Variants in PARD3B observed in about 807,000 individuals in gnomAD.
The protein encoded by PARD3B is partitioning defective 3 homolog B.
PARD3B carries 103 observed loss-of-function variants against 130.2 expected under a neutral mutation model. That is an observed-to-expected ratio of 0.79 (90% CI 0.67 to 0.93). The LOEUF (loss-of-function observed/expected upper bound fraction) is 0.93, where lower values mean the gene tolerates loss of function less well. PARD3B is among the 40% of genes least tolerant of loss of function. PARD3B has a pLI of 0.00. For missense variants in PARD3B, 1,609 were observed against 1,499.2 expected (o/e 1.07, Z -1.21); for synonymous variants, 583 against 553.2 (o/e 1.05, Z -0.76).
intron 2 of PARD3B, among the ~76,000 whole-genome samples, chr2:204,789,856 A>C (rs1367576558): frequency 6.8e-6 from 1 of 147,518 alleles, no homozygotes; most frequent in African/African-American, 2.6e-5. Context: ...GGTGAAGGTG[A>C]ATTTTTAGTT....
rs936091764 is a variant in PARD3B, at chr2:204,799,199, A to T, written c.222+112917A>T. ...TCACCACAAGCTGCCTGAAAAGCCCATGGGCCTCGAGGGAACATCTGCAGT... is the reference window on the plus strand; with the variant it reads ...TCACCACAAGCTGCCTGAAAAGCCCTTGGGCCTCGAGGGAACATCTGCAGT... On this transcript the variant is annotated intron_variant, in intron 2 of 22. Coordinates refer to ENST00000406610, the MANE Select transcript of PARD3B (RefSeq NM_001302769.2). This position sits in a 1 kb window ranked among gnomAD's most constrained non-coding sequence, Gnocchi z 4.1. Among the ~76,000 whole-genome samples, 1 of 151,890 alleles carries T rather than the reference A, an allele frequency of 6.6e-6. No homozygotes were observed. Among genetic ancestry groups the T allele is most frequent in the Admixed American group, 6.6e-5 (1 of 15,262 alleles).
intron 3 of PARD3B, among the ~76,000 whole-genome samples, chr2:205,027,244 A>G (rs1051565345): frequency 2.0e-5 from 3 of 152,144 alleles, no homozygotes; most frequent in Non-Finnish European, 4.4e-5. Flanking sequence ...TCTTTCTGAT[A>G]ATAGCCATCC....
intron 2 of PARD3B, among the ~76,000 whole-genome samples, chr2:204,830,209 T>C (rs755307273): frequency 6.1e-4 from 93 of 152,168 alleles, no homozygotes; most frequent in Middle Eastern, 3.4e-3. Context: ...TCTCAGTAGT[T>C]CTTTATAGCA....
chr2:205,520,778 A>G (rs1398183684), intron 21 of PARD3B, among the ~76,000 whole-genome samples: 7 of 152,040 alleles, frequency 4.6e-5, no homozygotes, highest in Admixed American at 1.3e-4. Context: ...ACTTTGTTAT[A>G]TTTTGAAAAT....
intron 20 of PARD3B, among the ~76,000 whole-genome samples, chr2:205,466,936 C>T (rs1234002579): frequency 1.3e-5 from 2 of 152,222 alleles, no homozygotes; most frequent in Non-Finnish European, 2.9e-5. Context: ...TGGTCTTTAA[C>T]TCCTCACCTC....
At chr2:205,211,613 A>G (rs1052170136) in intron 15 of PARD3B, among the ~76,000 whole-genome samples, 2 of 152,132 alleles carry the variant, frequency 1.3e-5, no homozygotes, top group African/African-American at 4.8e-5. Context: ...AAGAGGAAAC[A>G]TGACTGGAAA....
At chr2:205,068,398 C>A (rs1407549084) in intron 4 of PARD3B, among the ~76,000 whole-genome samples, 2 of 151,984 alleles carry the variant, frequency 1.3e-5, no homozygotes, top group Non-Finnish European at 2.9e-5. Context: ...TAATTTTTTT[C>A]TCTTTGGTTA....
chr2:205,316,153 A>C (rs1293020392), intron 18 of PARD3B, among the ~76,000 whole-genome samples: 1 of 152,192 alleles, frequency 6.6e-6, no homozygotes, highest in Non-Finnish European at 1.5e-5. Flanking sequence ...AATAGTATTG[A>C]AAATAATGAA....
At chr2:204,989,969 T>C (rs1177104195) in intron 3 of PARD3B, among the ~76,000 whole-genome samples, 1 of 152,136 alleles carries the variant, frequency 6.6e-6, no homozygotes, top group Non-Finnish European at 1.5e-5. Context: ...TTATAGAATA[T>C]ATTACTTTTG....
intron 1 of PARD3B, among the ~76,000 whole-genome samples, chr2:204,547,148 T>G (rs990387888): frequency 6.6e-6 from 1 of 152,198 alleles, no homozygotes; most frequent in South Asian, 2.1e-4. Flanking sequence ...AAACGTAAGT[T>G]TTAATTTCTT....
intron 1 of PARD3B, among the ~76,000 whole-genome samples, chr2:204,584,406 TAA>T (rs1228065592): frequency 6.6e-6 from 1 of 152,200 alleles, no homozygotes; most frequent in East Asian, 1.9e-4. Context: ...TAGTAACAGC[TAA>T]GAGTATAGCT....
intron 2 of PARD3B, among the ~76,000 whole-genome samples, chr2:204,847,809 A>G (rs1190330137): frequency 6.6e-6 from 1 of 152,190 alleles, no homozygotes; most frequent in African/African-American, 2.4e-5. Context: ...CCTTAAGTGA[A>G]AAGGTGAAAG....
chr2:204,929,356 A>G (rs1327270010), intron 2 of PARD3B, among the ~76,000 whole-genome samples: 1 of 152,122 alleles, frequency 6.6e-6, no homozygotes, highest in Non-Finnish European at 1.5e-5. Flanking sequence ...AAACCCGCCA[A>G]TATTAGTAAC....
intron 2 of PARD3B, among the ~76,000 whole-genome samples, chr2:204,736,163 T>A (rs1157495059): frequency 7.8e-6 from 1 of 128,714 alleles, no homozygotes; most frequent in Admixed American, 7.2e-5. Context: ...CTATGAGTAC[T>A]ATTTTTTTTT....
intron 2 of PARD3B, among the ~76,000 whole-genome samples, chr2:204,756,529 T>C (rs1320800344): frequency 6.6e-6 from 1 of 152,142 alleles, no homozygotes; most frequent in Non-Finnish European, 1.5e-5. Flanking sequence ...TGCATTTCTT[T>C]ACGTTGAAGG....
At chr2:205,381,459 T>G (rs79310492) in intron 18 of PARD3B, among the ~76,000 whole-genome samples, 4,967 of 151,598 alleles carry the variant, frequency 0.033, 108 homozygotes, top group Non-Finnish European at 0.048. Context: ...TCAAAGTAGA[T>G]AATGCCAAGC....
rs190386449 is a variant in PARD3B at position 205,100,455 on chromosome 2, G to T, written c.505-3971G>T. Among the ~76,000 whole-genome samples, 10 of 146,872 alleles carry T rather than the reference G, an allele frequency of 6.8e-5. No individual in the cohort carries two copies. In the East Asian group the frequency reaches 9.8e-4, roughly 14 times the overall value. ...TGCAATCCCTAGCAAAAACCCAACT[G>T]TTTTTTTTTTGCAGATATTAACAAA... On this transcript the variant is annotated intron_variant, in intron 4 of 22. Coordinates refer to ENST00000406610, the MANE Select transcript of PARD3B (RefSeq NM_001302769.2).
chr2:204,553,790 C>T (rs13418573), intron 1 of PARD3B, among the ~76,000 whole-genome samples: 11,608 of 149,156 alleles, frequency 0.078, 1,523 homozygotes, highest in African/African-American at 0.27. Context: ...GAGACTATTA[C>T]GGCAAGTGAA....
chr2:204,720,063 A>T (rs1277561949), intron 2 of PARD3B, among the ~76,000 whole-genome samples: 6 of 151,956 alleles, frequency 3.9e-5, no homozygotes, highest in Non-Finnish European at 5.9e-5. Flanking sequence ...TCTTTATGGC[A>T]TTTTTTTGTG....
Sources: gnomAD v4.1 joint callset for allele counts (sites outside exome capture counted in the v4.1 genomes callset) on GRCh38, gnomAD v4.1.1 for gene constraint, Gnocchi (gnomAD v3.1) non-coding constraint, MANE v1.5 for transcripts, NCBI Gene and HGNC (gene_info 2026-07-23, HGNC 2026-07-21) for gene names.